CYP4X1: variants seen among roughly 807,000 people sequenced by gnomAD.
CYP4X1 encodes cytochrome P450 4X1.
A neutral mutation model predicts 57.9 loss-of-function variants in CYP4X1; 44 were observed. The observed-to-expected ratio is 0.76, with a 90% CI of 0.60 to 0.98. The LOEUF is 0.98. CYP4X1 is among the 50% of genes least tolerant of loss of function. The pLI, the probability that CYP4X1 is intolerant of heterozygous loss-of-function variation, is 0.00. For missense variants in CYP4X1, 532 were observed against 623.9 expected, an observed-to-expected ratio of 0.85 and a Z score of 1.57; for synonymous variants, 227 against 228.6, an observed-to-expected ratio of 0.99 and a Z score of 0.06.
At chr1:46,994,506 G>A in the CYP4X1 span, 97 of 160,302 alleles carry the variant, frequency 6.1e-4, no homozygotes, top group East Asian at 0.014. Context: ...CACTCATGCC[G>A]CAGCACCTGC....
At chr1:47,038,389 G>T (rs1644208343) in intron 6 of CYP4X1, among the ~76,000 whole-genome samples, 1 of 152,096 alleles carries the variant, frequency 6.6e-6, no homozygotes, top group South Asian at 2.1e-4. Context: ...AGGAAGAAAA[G>T]AATAATTGGT....
upstream of CYP4X1, among the ~76,000 whole-genome samples, chr1:47,020,761 C>T (rs1454272233): frequency 1.3e-5 from 2 of 152,216 alleles, no homozygotes; most frequent in Admixed American, 6.5e-5. Flanking sequence ...TCTTAAAATT[C>T]ATTTATTATT....
the CYP4X1 span, among the ~76,000 whole-genome samples, chr1:47,008,240 C>T: frequency 6.6e-6 from 1 of 152,218 alleles, no homozygotes; most frequent in African/African-American, 2.4e-5. Context: ...ACAAACTCTA[C>T]AAGCCAGAAG....
chr1:47,016,094 C>T, the CYP4X1 span, among the ~76,000 whole-genome samples: 5 of 152,128 alleles, frequency 3.3e-5, no homozygotes, highest in Non-Finnish European at 5.9e-5. Flanking sequence ...GGTCATTGCT[C>T]TAAATTTCTC....
chr1:47,013,759 CTTT>C, the CYP4X1 span, among the ~76,000 whole-genome samples: 16 of 122,106 alleles, frequency 1.3e-4, no homozygotes, highest in African/African-American at 4.2e-4. Context: ...TCAATATACT[CTTT>C]TTTTTTTTTT....
chr1:46,977,059 C>T, the CYP4X1 span, among the ~76,000 whole-genome samples: 2 of 152,150 alleles, frequency 1.3e-5, no homozygotes, highest in South Asian at 4.1e-4. Flanking sequence ...AACCAGGGCA[C>T]CTCTTCTCCT....
the CYP4X1 span, among the ~76,000 whole-genome samples, chr1:47,011,310 G>A: frequency 6.6e-6 from 1 of 152,138 alleles, no homozygotes; most frequent in East Asian, 1.9e-4. Flanking sequence ...AATGGGGAAA[G>A]GATTCCCTAT....
downstream of CYP4X1, among the ~76,000 whole-genome samples, chr1:47,052,805 AAAAT>A (rs1415738516): frequency 7.5e-6 from 1 of 133,526 alleles, no homozygotes; most frequent in Non-Finnish European, 1.6e-5. Flanking sequence ...AAATAAATAA[AAAAT>A]AAAATAAAAA....
At chr1:46,967,471 G>T in the CYP4X1 span, among the ~76,000 whole-genome samples, 1 of 152,064 alleles carries the variant, frequency 6.6e-6, no homozygotes, top group African/African-American at 2.4e-5. Flanking sequence ...AGTCTGTGAT[G>T]CAGGTAGGCA....
chr1:46,999,026 T>TGTGTGTGTGTGTGTGTGTG, the CYP4X1 span, among the ~76,000 whole-genome samples: 10 of 143,328 alleles, frequency 7.0e-5, no homozygotes, highest in African/African-American at 2.6e-4. Context: ...CTTGCTTTCT[T>TGTGTGTGTGTGTGTGTGTG]TGTGTGTGTG....
chr1:47,055,313 C>T (rs534092510), downstream of CYP4X1, among the ~76,000 whole-genome samples: 7 of 152,090 alleles, frequency 4.6e-5, no homozygotes, highest in South Asian at 2.1e-4. Flanking sequence ...TTGCTGGATT[C>T]GGCTTGCCAG....
At chr1:47,041,034 T>A (rs767868793) in intron 8 of CYP4X1, among the ~76,000 whole-genome samples, 3 of 152,182 alleles carry the variant, frequency 2.0e-5, no homozygotes, top group Non-Finnish European at 2.9e-5. Context: ...TGTGAGATCA[T>A]GTGGAATTTG....
the CYP4X1 span, among the ~76,000 whole-genome samples, chr1:46,971,717 C>T: frequency 2.6e-5 from 4 of 152,082 alleles, no homozygotes; most frequent in Non-Finnish European, 5.9e-5. Context: ...ACATGTATAT[C>T]TTCTTTTGAG....
chr1:47,045,924 C>T (rs945261136), intron 8 of CYP4X1, among the ~76,000 whole-genome samples: 7 of 152,194 alleles, frequency 4.6e-5, no homozygotes, highest in Non-Finnish European at 8.8e-5. Flanking sequence ...GCCTCTGCTG[C>T]TGTCCTCTGC....
the CYP4X1 span, among the ~76,000 whole-genome samples, chr1:47,007,543 G>A: frequency 6.6e-6 from 1 of 152,208 alleles, no homozygotes; most frequent in East Asian, 1.9e-4. Context: ...AAGGAACACA[G>A]CTCCTCACCA....
the CYP4X1 span, among the ~76,000 whole-genome samples, chr1:46,983,217 T>A: frequency 6.6e-6 from 1 of 152,148 alleles, no homozygotes; most frequent in African/African-American, 2.4e-5. Flanking sequence ...GGCATGTCTG[T>A]TGCCTCTGGC....
At chr1:47,047,115 T>C (rs960595335) in intron 9 of CYP4X1, among the ~76,000 whole-genome samples, 1 of 152,212 alleles carries the variant, frequency 6.6e-6, no homozygotes. Context: ...TACAGTTCAC[T>C]GAACACTTTT....
At chr1:47,041,491 GATGTCTCA>G (rs2148513174) in intron 8 of CYP4X1, among the ~76,000 whole-genome samples, 1 of 152,282 alleles carries the variant, frequency 6.6e-6, no homozygotes, top group African/African-American at 2.4e-5. Context: ...AGCATGAGGT[GATGTCTCA>G]TTATGGTTTT....
At chr1:47,042,513 G>A (rs949946050) in intron 8 of CYP4X1, among the ~76,000 whole-genome samples, 121 of 152,032 alleles carry the variant, frequency 8.0e-4, no homozygotes, top group Non-Finnish European at 7.4e-4. Flanking sequence ...TTGGTTATGA[G>A]TAAGTTCTTT....
Sources: gnomAD v4.1 joint callset for allele counts (sites outside exome capture counted in the v4.1 genomes callset) on GRCh38, gnomAD v4.1.1 for gene constraint, MANE v1.5 for transcripts, NCBI Gene and HGNC (gene_info 2026-07-23, HGNC 2026-07-21) for gene names.